DIMT1: variants seen among roughly 807,000 people sequenced by gnomAD.
The protein encoded by DIMT1 is DIM1 rRNA methyltransferase and ribosome maturation factor, also known as dimethyladenosine transferase.
DIMT1 carries 36 observed loss-of-function variants against 43.2 expected under a neutral mutation model. The observed-to-expected ratio is 0.83, with a 90% CI of 0.64 to 1.10. The LOEUF is 1.10. Ranked by LOEUF, DIMT1 falls within the 50% of genes least tolerant of loss-of-function variation. DIMT1 has a pLI of 0.00. For missense variants in DIMT1, 341 were observed against 385.3 expected (o/e 0.88, Z 0.96); for synonymous variants, 126 against 130.3 (o/e 0.97, Z 0.22).
intron 11 of DIMT1, 38 bp downstream of exon 11, chr5:62,390,838 A>G: frequency 6.5e-7 from 1 of 1,544,598 alleles, no homozygotes; most frequent in Non-Finnish European, 8.9e-7. Context: ...GTCACAGTAA[A>G]GAAATGTAAA....
intron 4 of DIMT1, 40 bp downstream of exon 4, chr5:62,398,780 T>A: frequency 6.2e-7 from 1 of 1,612,920 alleles, no homozygotes; most frequent in Non-Finnish European, 8.5e-7. Flanking sequence ...TGTTGTTTCA[T>A]GAGATTGAAA....
rs757786036 is a variant in DIMT1, at chr5:62,394,537, A to G, written c.517T>C (p.Cys173Arg). ...LVAKPGDKLY[C>R]RLSINTQLLA... ...AGCTGTGTATTAATTGAGAGTCTGC[A>G]GTATAACTTATCTCCAGGTTTTGCA... The change falls in exon 7 of 12, where the codon TGC becomes CGC. Residue 173 changes from cysteine (C) to arginine (R), a missense_variant. Physicochemically the swap from Cys to Arg is radical, Grantham distance 180. Coordinates refer to ENST00000199320, the MANE Select transcript of DIMT1 (RefSeq NM_014473.4). 5 of 1,614,254 alleles carry G rather than the reference A, an allele frequency of 3.1e-6. No homozygotes were observed. The highest frequency in any genetic ancestry group is 4.2e-6 in the Non-Finnish European group (5 of 1,180,052).
rs1252276553 is a variant in DIMT1 at position 62,403,722 on chromosome 5, C to T, written c.51G>A (p.Glu17=). Residue 17 remains glutamate, a synonymous_variant, in exon 1 of 12, where the codon GAG becomes GAA. Coordinates refer to ENST00000199320, the MANE Select transcript of DIMT1 (RefSeq NM_014473.4). ...CAGCGCTCTTCAGCTCCCGGCGCTG[C>T]TCCTGCCGCCCGCGGCGGCGGCCGA... is the stretch of plus-strand genomic sequence containing the variant. ...GAIGRRRGRQ[E]QRRELKSAGG... 50 of 1,609,860 alleles carry T rather than the reference C, an allele frequency of 3.1e-5. No homozygotes were observed. In the Admixed American group the frequency reaches 8.4e-4, roughly 27 times the overall value.
At chr5:62,400,344 C>T (rs1446924279) in intron 3 of DIMT1, among the ~76,000 whole-genome samples, 1 of 151,894 alleles carries the variant, frequency 6.6e-6, no homozygotes, top group African/African-American at 2.4e-5. Context: ...AAGTCTTGGG[C>T]TCATGGGATC....
At position 62,403,859 on chromosome 5, in the gene DIMT1, G is replaced by A; in HGVS notation, c.-87C>T. ...AGAAAGCCACCACGTGGGGATCGCC[G>A]CCACGCGCCGCCCGCACCACTCTGG... On this transcript the variant is annotated 5_prime_UTR_variant, in exon 1 of 12. Coordinates refer to ENST00000199320, the MANE Select transcript of DIMT1 (RefSeq NM_014473.4). The A allele has an allele frequency of 6.6e-6, 9 of 1,373,534 alleles. No individual in the cohort carries two copies. The highest frequency in any genetic ancestry group is 2.6e-5 in the South Asian group (2 of 77,550). The allele number at this position is 1,373,534 out of a possible 1,614,324, so 85.1% of individuals were successfully genotyped here. A position where few individuals can be genotyped will look rare whatever the true frequency, so the allele number is the denominator to read the frequency against.
Position 62,403,697 on chromosome 5 carries a change from C to T in DIMT1, c.76G>A (p.Gly26Arg). 6.2e-7 allele frequency: 1 copy of T among 1,608,126 alleles called. No homozygotes were observed. The highest frequency in any genetic ancestry group is 8.5e-7 in the Non-Finnish European group (1 of 1,178,090). ...GCTTCCTCGCGGGGATCCGCACCTC[C>T]AGCGCTCTTCAGCTCCCGGCGCTGC... is the stretch of plus-strand genomic sequence containing the variant. ...QEQRRELKSA[G>R]GLMFNTGIGQ... is the part of the protein sequence containing the mutation. The change falls in exon 1 of 12, where the codon GGA becomes AGA. Residue 26 changes from glycine (G) to arginine (R), a missense_variant. By Grantham distance (125) the Gly-to-Arg change is moderately radical. Transcript: ENST00000199320.
intron 3 of DIMT1, among the ~76,000 whole-genome samples, chr5:62,399,938 C>T (rs1485039233): frequency 6.6e-6 from 1 of 152,022 alleles, no homozygotes; most frequent in African/African-American, 2.4e-5. Flanking sequence ...AACACCACCA[C>T]CCAGAAAAGT....
chr5:62,394,515 T>C lies in DIMT1; in HGVS notation c.539A>G (p.Gln180Arg), dbSNP rs765607181. Reference protein sequence around the residue: ...KLYCRLSINTQLLARVDHLMK... With the variant: ...KLYCRLSINTRLLARVDHLMK... ...TAGATGGTCCACACGTGCCAACAGC[T>C]GTGTATTAATTGAGAGTCTGCAGTA... Residue 180 changes from glutamine to arginine, a missense_variant, in exon 7 of 12, where the codon CAG becomes CGG. Physicochemically the swap from Gln to Arg is conservative, Grantham distance 43. Coordinates refer to ENST00000199320, the MANE Select transcript of DIMT1 (RefSeq NM_014473.4). 1.9e-6 allele frequency: 3 copies of C among 1,614,202 alleles called. No homozygotes were observed. The highest frequency in any genetic ancestry group is 2.5e-6 in the Non-Finnish European group (3 of 1,180,036).
At chr5:62,398,481 TG>T in intron 6 of DIMT1, 29 bp downstream of exon 6, 1 of 1,604,978 alleles carries the variant, frequency 6.2e-7, no homozygotes, top group Non-Finnish European at 8.5e-7. Context: ...TTTCAAAATT[TG>T]GCAGTAACTC....
intron 6 of DIMT1, among the ~76,000 whole-genome samples, chr5:62,398,052 T>G (rs1333875616): frequency 6.6e-6 from 1 of 152,210 alleles, no homozygotes; most frequent in Non-Finnish European, 1.5e-5. Flanking sequence ...TGATAGGGGC[T>G]CTTTTCAAAC....
chr5:62,393,018 A>C (rs1377549215), intron 8 of DIMT1, 28 bp from the exon 9 acceptor site: 1 of 1,538,390 alleles, frequency 6.5e-7, no homozygotes, highest in Non-Finnish European at 9.0e-7. Flanking sequence ...CATTTTCTTC[A>C]AATTACAAAC....
intron 7 of DIMT1, 65 bp from the exon 8 acceptor site, chr5:62,394,112 C>G (rs1015453010): frequency 1.4e-6 from 2 of 1,433,746 alleles, no homozygotes; most frequent in Non-Finnish European, 1.9e-6. Context: ...ACCAGATATG[C>G]TATCCTCACA....
Position 62,392,209 on chromosome 5 carries a change from C to T in DIMT1, c.754G>A (p.Glu252Lys), listed in dbSNP as rs1646166472. 6.2e-7 allele frequency: 1 copy of T among 1,613,292 alleles called. No individual in the cohort carries two copies. The highest frequency in any genetic ancestry group is 1.3e-5 in the African/African-American group (1 of 74,856). The stretch of plus-strand genomic sequence containing the variant: ...GAACAGTGAATTCTGTAGTTTTTTT[C>T]CAAGAGTTGTTGCACTGCACTTGAT... Reference protein sequence around the residue: ...FKSSAVQQLLEKNYRIHCSVH... With the variant: ...FKSSAVQQLLKKNYRIHCSVH... Residue 252 changes from glutamate to lysine, a missense_variant, in exon 10 of 12, where the codon GAA becomes AAA. Glu to Lys is a moderately conservative substitution (Grantham distance 56, BLOSUM62 1). Coordinates refer to ENST00000199320, the MANE Select transcript of DIMT1 (RefSeq NM_014473.4).
At chr5:62,401,872 C>T (rs561839939) in intron 3 of DIMT1, among the ~76,000 whole-genome samples, 164 bp downstream of exon 3, 2 of 152,140 alleles carry the variant, frequency 1.3e-5, no homozygotes, top group South Asian at 4.1e-4. Context: ...TGAGCCACCG[C>T]GCCTGGCTGA....
chr5:62,394,756 C>T, intron 6 of DIMT1, 149 bp from the exon 7 acceptor site: 1 of 1,135,282 alleles, frequency 8.8e-7, no homozygotes. Flanking sequence ...TTTTTTATTG[C>T]CACAGAATGA....
At chr5:62,393,826 T>C (rs1708614561) in intron 8 of DIMT1, 129 bp downstream of exon 8, 2 of 727,306 alleles carry the variant, frequency 2.7e-6, no homozygotes, top group Non-Finnish European at 4.3e-6. Flanking sequence ...CACAGGGATG[T>C]GTCCTAATTA....
chr5:62,393,346 A>C (rs1357706550), intron 8 of DIMT1, among the ~76,000 whole-genome samples: 3 of 152,162 alleles, frequency 2.0e-5, no homozygotes, highest in Non-Finnish European at 4.4e-5. Context: ...CAAAAGTTCA[A>C]GTCCAGCCTA....
Position 62,389,015 on chromosome 5 carries a change from A to G in DIMT1, c.937T>C (p.Ser313Pro). ...HGFNAEGIHF[S>P] ...AATTTCTGTTTTCCAAATACCTAGG[A>G]AAAATGAATACCTTCTGCGTTGAAT... Residue 313 changes from serine (S) to proline (P), a missense_variant, in exon 12 of 12, where the codon TCC becomes CCC. Ser to Pro is a moderately conservative substitution (Grantham distance 74). Coordinates refer to ENST00000199320, the MANE Select transcript of DIMT1 (RefSeq NM_014473.4). 1 of 1,609,466 alleles carries G rather than the reference A, an allele frequency of 6.2e-7. No homozygotes were observed. The highest frequency in any genetic ancestry group is 8.5e-7 in the Non-Finnish European group (1 of 1,178,750).
Position 62,387,282 on chromosome 5 carries a change from G to C in DIMT1, c.*1728C>G, listed in dbSNP as rs1312658634. The C allele has an allele frequency of 3.3e-5, 5 of 152,154 alleles. No individual in the cohort carries two copies. The highest frequency in any genetic ancestry group is 1.2e-4 in the African/African-American group (5 of 41,426). The allele number at this position is 152,154 out of a possible 1,614,324, so 9.4% of individuals were successfully genotyped here. A position where few individuals can be genotyped will look rare whatever the true frequency, so the allele number is the denominator to read the frequency against. ...ATTCTATTTGTGTTTATTTCAAAGG[G>C]AAGAGGAAGGATGGAGAACTGTTAC... On this transcript the variant is annotated 3_prime_UTR_variant, in exon 12 of 12. Transcript: ENST00000199320.
Sources: gnomAD v4.1 joint callset for allele counts (sites outside exome capture counted in the v4.1 genomes callset) on GRCh38, gnomAD v4.1.1 for gene constraint, MANE v1.5 for transcripts, NCBI Gene and HGNC (gene_info 2026-07-23, HGNC 2026-07-21) for gene names.